ILRUN: variants seen among roughly 807,000 people sequenced by gnomAD.
ILRUN encodes the protein inflammation and lipid regulator with UBA-like and NBR1-like domains.
Under a neutral mutation model 33.8 loss-of-function variants are expected in ILRUN, and 3 were observed. That is an observed-to-expected ratio of 0.09 (90% CI 0.04 to 0.23). The LOEUF (loss-of-function observed/expected upper bound fraction) is 0.23. Ranked by LOEUF, ILRUN falls within the 10% of genes least tolerant of loss-of-function variation. ILRUN has a pLI of 1.00. For synonymous variants in ILRUN, 124 were observed against 138.9 expected, an observed-to-expected ratio of 0.89 and a Z score of 0.75; for missense variants, 210 against 375.1, an observed-to-expected ratio of 0.56 and a Z score of 3.64.
At chr6:34,650,405 A>ATTTT (rs1034056954) in intron 2 of ILRUN, among the ~76,000 whole-genome samples, 81 of 135,180 alleles carry the variant, frequency 6.0e-4, no homozygotes, top group Middle Eastern at 7.4e-3. Flanking sequence ...TTATTTATTT[A>ATTTT]TTTTTATTTA....
In ILRUN at chr6:34,589,524, GTGT is replaced by G. The variant is rs914219878; in HGVS notation, c.*1038_*1040del. On this transcript the variant is annotated 3_prime_UTR_variant, in exon 5 of 5. Coordinates refer to ENST00000374023, the MANE Select transcript of ILRUN (RefSeq NM_024294.4). ...GACAACTGAAGAGAAACAGGGAAAG[GTGT>G]TGTGTGACAACAGAGAAGCATGGGC... The G allele has an allele frequency of 6.6e-6, 1 of 152,286 alleles. No homozygotes were observed. The highest frequency in any genetic ancestry group is 2.4e-5 in the African/African-American group (1 of 41,466). 9.4% of individuals were successfully genotyped at this position (152,286 alleles called of 1,614,324 possible). A position where few individuals can be genotyped will look rare whatever the true frequency, so the allele number is the denominator to read the frequency against.
In ILRUN at chr6:34,643,318, C is replaced by T. The variant is rs547568011; in HGVS notation, c.511+3283G>A. On this transcript the variant is annotated intron_variant, in intron 3 of 4. Coordinates refer to ENST00000374023, the MANE Select transcript of ILRUN (RefSeq NM_024294.4). ...CCATCTCAAAAAAAAAAAAAAAGTG[C>T]GTGTGTGTGTGTGTGTTAGTTTTAA... Among the ~76,000 whole-genome samples, 170 of 148,804 alleles carry T rather than the reference C, an allele frequency of 1.1e-3. 1 individual carries two copies. The highest frequency in any genetic ancestry group is 7.0e-3 in the South Asian group (33 of 4,732).
Position 34,646,348 on chromosome 6 carries a change from A to G in ILRUN, c.511+253T>C, listed in dbSNP as rs1762564175. 6.6e-6 allele frequency among the ~76,000 whole-genome samples: 1 copy of G among 152,240 alleles called. No homozygotes were observed. The highest frequency in any genetic ancestry group is 2.1e-4 in the South Asian group (1 of 4,828). On this transcript the variant is annotated intron_variant, in intron 3 of 4. Coordinates refer to ENST00000374023, the MANE Select transcript of ILRUN (RefSeq NM_024294.4). The surrounding 1 kb of genome is among the most constrained non-coding windows in gnomAD (Gnocchi z 4.9). ...CAGCTTATATAATAAAAACAACAGC[A>G]CTACTAAATATTTATTTAGAACACA...
chr6:34,675,090 G>C (rs969423836), intron 1 of ILRUN, among the ~76,000 whole-genome samples: 1 of 152,076 alleles, frequency 6.6e-6, no homozygotes, highest in Non-Finnish European at 1.5e-5. Context: ...AGACCAGCCC[G>C]GCTAACATGG....
At chr6:34,649,316 A>G (rs1762615638) in intron 2 of ILRUN, among the ~76,000 whole-genome samples, 1 of 152,224 alleles carries the variant, frequency 6.6e-6, no homozygotes, top group Non-Finnish European at 1.5e-5. Context: ...AGTTGTCTGG[A>G]CTACACTAAA....
chr6:34,637,806 A>C lies in ILRUN; in HGVS notation c.511+8795T>G, dbSNP rs76011889. Among the ~76,000 whole-genome samples the C allele has an allele frequency of 7.6e-3, 1,153 of 152,208 alleles. 21 individuals are homozygous for C. The highest frequency in any genetic ancestry group is 0.026 in the African/African-American group (1,098 of 41,500). On this transcript the variant is annotated intron_variant, in intron 3 of 4. Transcript: ENST00000374023. ...CCACATATATGCATTTTAGAGGTTA[A>C]TCTGAACAGTACAGTCATTTCACAT... is the stretch of plus-strand genomic sequence containing the variant.
chr6:34,643,014 G>C (rs1204452164), intron 3 of ILRUN, among the ~76,000 whole-genome samples: 1 of 149,312 alleles, frequency 6.7e-6, no homozygotes, highest in South Asian at 2.1e-4. Flanking sequence ...AAGAGAGAGA[G>C]GCCAGGCGCA....
intron 2 of ILRUN, among the ~76,000 whole-genome samples, chr6:34,650,407 TTTTATTTATTTATTTATTTA>T (rs56072656): frequency 4.1e-4 from 58 of 141,438 alleles, no homozygotes; most frequent in African/African-American, 5.4e-4. Context: ...ATTTATTTAT[TTTTATTTATTTATTTATTTA>T]TTTATTTATT....
intron 1 of ILRUN, among the ~76,000 whole-genome samples, chr6:34,684,555 G>C (rs188824312): frequency 7.9e-5 from 12 of 152,276 alleles, no homozygotes; most frequent in Admixed American, 7.2e-4. Context: ...AAGAGGCTTA[G>C]GGAGAAACAA....
intron 4 of ILRUN, among the ~76,000 whole-genome samples, chr6:34,599,727 T>C (rs925117831): frequency 6.6e-6 from 1 of 152,206 alleles, no homozygotes; most frequent in African/African-American, 2.4e-5. Flanking sequence ...TCCTACACTC[T>C]ATATCCAACT....
chr6:34,616,947 C>T (rs528236881), intron 3 of ILRUN: 1 of 570,738 alleles, frequency 1.8e-6, no homozygotes, highest in African/African-American at 1.9e-5. Flanking sequence ...TAGGAGTACC[C>T]AAATCTGAAG....
At chr6:34,694,777 T>C (rs1368126321) in intron 1 of ILRUN, among the ~76,000 whole-genome samples, 1 of 151,292 alleles carries the variant, frequency 6.6e-6, no homozygotes, top group Non-Finnish European at 1.5e-5. Context: ...TGGCGGGGCA[T>C]AGTGGCTCAC....
At chr6:34,690,732 C>T (rs890114277) in intron 1 of ILRUN, among the ~76,000 whole-genome samples, 4 of 152,116 alleles carry the variant, frequency 2.6e-5, no homozygotes, top group Non-Finnish European at 5.9e-5. Flanking sequence ...ATATCCTCCA[C>T]CTCCAAGGAG....
chr6:34,688,648 AC>A (rs1400937431), intron 1 of ILRUN, among the ~76,000 whole-genome samples: 1 of 152,164 alleles, frequency 6.6e-6, no homozygotes, highest in Non-Finnish European at 1.5e-5. Flanking sequence ...CCCCATCTCT[AC>A]AAAAAATACA....
intron 1 of ILRUN, 80 bp downstream of exon 1, chr6:34,696,363 TGCC>T: frequency 7.0e-7 from 1 of 1,420,938 alleles, no homozygotes; most frequent in Non-Finnish European, 9.4e-7. Context: ...TGGCTCGCCC[TGCC>T]GCCAAGCTCA....
intron 1 of ILRUN, among the ~76,000 whole-genome samples, chr6:34,657,876 G>C (rs964200705): frequency 1.3e-5 from 2 of 152,208 alleles, no homozygotes; most frequent in East Asian, 3.8e-4. Context: ...AATGGAGCTG[G>C]CTAAGGTGAT....
intron 4 of ILRUN, among the ~76,000 whole-genome samples, chr6:34,599,981 C>A (rs1451445357): frequency 6.6e-6 from 1 of 152,216 alleles, no homozygotes; most frequent in Non-Finnish European, 1.5e-5. Flanking sequence ...TAGATCCGGA[C>A]ATGGACCACT....
Position 34,649,041 on chromosome 6 carries a change from C to A in ILRUN, c.314-2243G>T, listed in dbSNP as rs569536978. ...AACATTAAATGGGTAACATTAAACACTGGCATTTGGCTAGGGTCCTGCCCT... is the reference window on the plus strand; with the variant it reads ...AACATTAAATGGGTAACATTAAACAATGGCATTTGGCTAGGGTCCTGCCCT... On this transcript the variant is annotated intron_variant, in intron 2 of 4. Transcript: ENST00000374023. Among the ~76,000 whole-genome samples the A allele has an allele frequency of 6.6e-5, 10 of 152,310 alleles. No individual in the cohort carries two copies. In the East Asian group the frequency reaches 1.7e-3, roughly 26 times the overall value.
chr6:34,627,725 C>A (rs1762166915), intron 3 of ILRUN, among the ~76,000 whole-genome samples: 1 of 133,204 alleles, frequency 7.5e-6, no homozygotes, highest in Non-Finnish European at 1.6e-5. Flanking sequence ...TTTTTTGAGA[C>A]AGAGTTTCGC....
Sources: allele counts gnomAD v4.1 joint callset (sites outside exome capture counted in the v4.1 genomes callset), GRCh38; gene constraint gnomAD v4.1.1; non-coding constraint Gnocchi (gnomAD v3.1); transcripts MANE v1.5; gene names NCBI Gene and HGNC (gene_info 2026-07-23, HGNC 2026-07-21).